Variants in RNF19A observed in about 807,000 individuals in gnomAD.
RNF19A encodes the protein ring finger protein 19A, RBR E3 ubiquitin protein ligase.
A neutral mutation model predicts 75.7 loss-of-function variants in RNF19A; 32 were observed. The observed-to-expected ratio is 0.42, with a 90% CI of 0.32 to 0.57. The LOEUF (loss-of-function observed/expected upper bound fraction) is 0.57. RNF19A is among the 20% of genes least tolerant of loss of function. The pLI is 0.10. For missense variants in RNF19A, 782 were observed against 1,036.3 expected (o/e 0.75, Z 3.37); for synonymous variants, 335 against 345.2 (o/e 0.97, Z 0.33).
At chr8:100,312,029 T>C (rs1303429412), upstream of RNF19A, among the ~76,000 whole-genome samples, 1 of 152,194 alleles carries the variant, frequency 6.6e-6, no homozygotes, top group Non-Finnish European at 1.5e-5. Context: ...AAGATGTAGT[T>C]TGTTCTTTCC....
Position 100,329,595 on chromosome 8 carries a change from G to C in RNF19A, c.-243+6513C>G, listed in dbSNP as rs146012675. 2.6e-5 allele frequency among the ~76,000 whole-genome samples: 4 copies of C among 152,308 alleles called. No individual in the cohort carries two copies. In the East Asian group the frequency reaches 7.7e-4, roughly 29 times the overall value. ...CTTATATTTAAGCACATTTTAAAGAGAGACACATGCAAACTAGCATGAATC... is the reference window on the plus strand; with the variant it reads ...CTTATATTTAAGCACATTTTAAAGACAGACACATGCAAACTAGCATGAATC... On this transcript the variant is annotated intron_variant, in intron 1 of 3. Coordinates refer to the RNF19A transcript ENST00000519527. The surrounding 1 kb of genome is among the most constrained non-coding windows in gnomAD (Gnocchi z 4.3).
At position 100,327,291 on chromosome 8, in the gene RNF19A, G is replaced by T. The variant is rs146797695; in HGVS notation, c.-243+8817C>A. ...TTTTGAGACAGAGTCTCACTCTGTC[G>T]CCCAGGCTGGGGTGCAGTGGCATGA... On this transcript the variant is annotated intron_variant, in intron 1 of 3. Coordinates refer to the RNF19A transcript ENST00000519527. Among the ~76,000 whole-genome samples, 9 of 117,570 alleles carry T rather than the reference G, an allele frequency of 7.7e-5. No homozygotes were observed. In the East Asian group the frequency reaches 1.5e-3, roughly 20 times the overall value. The allele number at this position is 117,570 out of a possible 152,430, so 77.1% of individuals were successfully genotyped here. A position where few individuals can be genotyped will look rare whatever the true frequency, so the allele number is the denominator to read the frequency against.
At chr8:100,289,132 C>T (rs544254894) in intron 1 of RNF19A, among the ~76,000 whole-genome samples, 108 of 148,534 alleles carry the variant, frequency 7.3e-4, no homozygotes, top group Admixed American at 1.3e-3. Context: ...TTGCTGAGAA[C>T]TGAGAATAAA....
chr8:100,334,683 A>G (rs1822654030), intron 1 of RNF19A, among the ~76,000 whole-genome samples: 1 of 152,172 alleles, frequency 6.6e-6, no homozygotes, highest in Non-Finnish European at 1.5e-5. Flanking sequence ...TAACGGTTTC[A>G]TTGAGTCCCA....
chr8:100,263,575 T>A (rs1819827393), intron 7 of RNF19A, among the ~76,000 whole-genome samples: 1 of 152,224 alleles, frequency 6.6e-6, no homozygotes, highest in African/African-American at 2.4e-5. Context: ...ATGCACTTTT[T>A]AAAAAAGGTT....
chr8:100,258,291 A>T lies in RNF19A; in HGVS notation c.*265T>A. On this transcript the variant is annotated 3_prime_UTR_variant, in exon 10 of 10. Coordinates refer to ENST00000341084, the MANE Select transcript of RNF19A (RefSeq NM_183419.4). This position sits in a 1 kb window ranked among gnomAD's most constrained non-coding sequence, Gnocchi z 4.3. ...TTCTATCTAAGTATGTGCTTCAAGC[A>T]ATGTTTTGTGGCAAACACACAAAAC... The T allele has an allele frequency of 2.3e-6, 1 of 439,452 alleles. No individual in the cohort carries two copies. The allele number at this position is 439,452 out of a possible 1,614,324, so 27.2% of individuals were successfully genotyped here.
chr8:100,280,755 C>T (rs1407497124), intron 2 of RNF19A, among the ~76,000 whole-genome samples: 2 of 152,090 alleles, frequency 1.3e-5, no homozygotes, highest in Admixed American at 6.5e-5. Context: ...GTATTAGGCA[C>T]GTTCTGTAAT....
At position 100,258,779 on chromosome 8, in the gene RNF19A, T is replaced by C. The variant is rs968372442; in HGVS notation, c.2294A>G (p.Asn765Ser). Reference sequence around the variant, plus strand: ...ATGTGGGGAATTTTCCAGACGGTCATTTTCTACCTCAGGAAGAATGTTAAC... The same window carrying C: ...ATGTGGGGAATTTTCCAGACGGTCACTTTCTACCTCAGGAAGAATGTTAAC... ...ATVNILPEVE[N>S]DRLENSPHQC... The change falls in exon 10 of 10, where the codon AAT becomes AGT. Residue 765 changes from asparagine (N) to serine (S), a missense_variant. By Grantham distance (46) the Asn-to-Ser change is conservative. Transcript: ENST00000341084. The surrounding 1 kb of genome is among the most constrained non-coding windows in gnomAD (Gnocchi z 4.3). The C allele has an allele frequency of 6.2e-7, 1 of 1,614,072 alleles. No homozygotes were observed. Among genetic ancestry groups the C allele is most frequent in the South Asian group, 1.1e-5 (1 of 91,084 alleles).
chr8:100,295,365 T>C (rs958382505), intron 1 of RNF19A, among the ~76,000 whole-genome samples: 5 of 152,268 alleles, frequency 3.3e-5, no homozygotes, highest in Non-Finnish European at 7.4e-5. Flanking sequence ...CCCAAACATT[T>C]TGGTAGACAA....
At chr8:100,306,781 GT>G (rs1822078965) in intron 1 of RNF19A, among the ~76,000 whole-genome samples, 1 of 152,080 alleles carries the variant, frequency 6.6e-6, no homozygotes. Context: ...TAAATGAGTT[GT>G]TTCAATGTTA....
At position 100,309,923 on chromosome 8, in the gene RNF19A, C is replaced by T. The variant is rs1822234696; in HGVS notation, c.-150G>A. 1 of 985,974 alleles carries T rather than the reference C, an allele frequency of 1.0e-6. No homozygotes were observed. The highest frequency in any genetic ancestry group is 1.2e-6 in the Non-Finnish European group (1 of 830,364). 61.1% of individuals were successfully genotyped at this position (985,974 alleles called of 1,614,324 possible). A position where few individuals can be genotyped will look rare whatever the true frequency, so the allele number is the denominator to read the frequency against. On this transcript the variant is annotated 5_prime_UTR_variant, in exon 1 of 10. Coordinates refer to ENST00000341084, the MANE Select transcript of RNF19A (RefSeq NM_183419.4). Reference sequence around the variant, plus strand: ...GTGGCGGGCGAGTAGGCCCATCTCCCAGCAGCGGCGACAGCAGCCTGAGGA... The same window carrying T: ...GTGGCGGGCGAGTAGGCCCATCTCCTAGCAGCGGCGACAGCAGCCTGAGGA...
At chr8:100,291,178 T>C (rs1432360392) in intron 1 of RNF19A, among the ~76,000 whole-genome samples, 1 of 152,154 alleles carries the variant, frequency 6.6e-6, no homozygotes, top group Non-Finnish European at 1.5e-5. Context: ...GACCACAAAA[T>C]ATGGATGATA....
At chr8:100,290,429 T>C (rs969843883) in intron 1 of RNF19A, among the ~76,000 whole-genome samples, 3 of 152,172 alleles carry the variant, frequency 2.0e-5, no homozygotes, top group Non-Finnish European at 4.4e-5. Flanking sequence ...GCAGTATGCA[T>C]AGTGGTTACA....
At chr8:100,270,813 G>C (rs911102379) in intron 3 of RNF19A, among the ~76,000 whole-genome samples, 4 of 152,008 alleles carry the variant, frequency 2.6e-5, no homozygotes, top group African/African-American at 9.7e-5. Context: ...AACTGTTGTT[G>C]GTCTATGCTC....
At chr8:100,334,547 G>C (rs1168719990) in intron 1 of RNF19A, among the ~76,000 whole-genome samples, 1 of 152,132 alleles carries the variant, frequency 6.6e-6, no homozygotes, top group Non-Finnish European at 1.5e-5. Flanking sequence ...TAAGTATCTG[G>C]GGAGCTTTAA....
intron 1 of RNF19A, among the ~76,000 whole-genome samples, chr8:100,318,188 T>C (rs935136183): frequency 1.4e-4 from 22 of 152,244 alleles, no homozygotes; most frequent in Non-Finnish European, 2.9e-4. Flanking sequence ...TATAGTTGTG[T>C]TTCCCTTGTT....
intron 1 of RNF19A, among the ~76,000 whole-genome samples, chr8:100,290,033 T>C (rs917897421): frequency 6.6e-6 from 1 of 152,196 alleles, no homozygotes; most frequent in African/African-American, 2.4e-5. Context: ...ATTCTATTTA[T>C]AAAAAGTTCC....
At chr8:100,277,861 G>A (rs1403988010) in intron 2 of RNF19A, among the ~76,000 whole-genome samples, 2 of 152,060 alleles carry the variant, frequency 1.3e-5, no homozygotes, top group East Asian at 3.8e-4. Flanking sequence ...AAACAATAAC[G>A]TCAGTGAAAA....
chr8:100,335,831 G>A (rs967518346), intron 1 of RNF19A, among the ~76,000 whole-genome samples: 2 of 152,224 alleles, frequency 1.3e-5, no homozygotes, highest in Admixed American at 6.5e-5. Flanking sequence ...TGCGGGCCTA[G>A]ACAGCAGTGC....
Sources: gnomAD v4.1 joint callset for allele counts (sites outside exome capture counted in the v4.1 genomes callset) on GRCh38, gnomAD v4.1.1 for gene constraint, Gnocchi (gnomAD v3.1) non-coding constraint, MANE v1.5 for transcripts, NCBI Gene and HGNC (gene_info 2026-07-23, HGNC 2026-07-21) for gene names.